PKIB: variants seen among roughly 807,000 people sequenced by gnomAD.
PKIB encodes the protein PKI-beta.
A neutral mutation model predicts 4.5 loss-of-function variants in PKIB; 2 were observed. That is an observed-to-expected ratio of 0.44 (90% confidence interval 0.18 to 1.39). The LOEUF (loss-of-function observed/expected upper bound fraction) is 1.39. Ranked by LOEUF, PKIB falls within the 40% of genes most tolerant of loss-of-function variation. PKIB has a pLI of 0.27. For synonymous variants in PKIB, 38 were observed against 36.0 expected (o/e 1.06, Z -0.20); for missense variants, 94 against 92.6 (o/e 1.02, Z -0.06).
At chr6:122,597,154 C>T (rs558331764) in intron 3 of PKIB, among the ~76,000 whole-genome samples, 4 of 152,326 alleles carry the variant, frequency 2.6e-5, no homozygotes, top group South Asian at 4.1e-4. Flanking sequence ...GTCTCACCAA[C>T]AAGTCCAGTG....
At chr6:122,536,824 CA>C (rs1777419146) in intron 2 of PKIB, among the ~76,000 whole-genome samples, 2 of 147,010 alleles carry the variant, frequency 1.4e-5, no homozygotes, top group Admixed American at 6.8e-5. Context: ...AAATATTAGA[CA>C]AATGAAAATA....
Position 122,512,484 on chromosome 6 carries a change from C to T in PKIB, c.-248+34545C>T, listed in dbSNP as rs186595072. Among the ~76,000 whole-genome samples the T allele has an allele frequency of 5.4e-3, 815 of 152,272 alleles. 8 individuals carry two copies. The highest frequency in any genetic ancestry group is 0.018 in the African/African-American group (765 of 41,566). On this transcript the variant is annotated intron_variant, in intron 2 of 6. Transcript: ENST00000392491. ...AATACTTGGAAATAAATGGATTTAA[C>T]ATTTAACAATTTGGAGATTATATAT...
At chr6:122,650,793 T>G (rs1776523546) in intron 2 of PKIB, among the ~76,000 whole-genome samples, 1 of 152,220 alleles carries the variant, frequency 6.6e-6, no homozygotes, top group South Asian at 2.1e-4. Flanking sequence ...CTGGGGTATG[T>G]GAGCAGGTCT....
chr6:122,531,173 C>T (rs2116060), intron 2 of PKIB: 20,050 of 152,090 alleles, frequency 0.13, 1,430 homozygotes, highest in East Asian at 0.21. Flanking sequence ...TCTTTAATAT[C>T]ACAAAAGAAA....
At chr6:122,688,906 G>A (rs577064023) in intron 3 of PKIB, among the ~76,000 whole-genome samples, 3 of 150,656 alleles carry the variant, frequency 2.0e-5, no homozygotes, top group South Asian at 2.1e-4. Context: ...TCAGCCTCCC[G>A]AGTGGCTGGG....
rs1779923695 is a variant in PKIB at position 122,725,591 on chromosome 6, T to G, written c.*396T>G. On this transcript the variant is annotated 3_prime_UTR_variant, in exon 5 of 5. Transcript: ENST00000368452. ...AAATCAAACATGATTGATTTAAAAC[T>G]TCATGGAATTTGTAGAAAATTATGG... The G allele has an allele frequency of 6.4e-6, 1 of 157,130 alleles. No individual in the cohort carries two copies. The highest frequency in any genetic ancestry group is 2.4e-5 in the African/African-American group (1 of 41,698). 9.7% of individuals were successfully genotyped at this position (157,130 alleles called of 1,614,324 possible). A position where few individuals can be genotyped will look rare whatever the true frequency, so the allele number is the denominator to read the frequency against.
At chr6:122,642,834 G>T (rs1283668745) in intron 2 of PKIB, among the ~76,000 whole-genome samples, 2 of 152,094 alleles carry the variant, frequency 1.3e-5, no homozygotes, top group African/African-American at 4.8e-5. Context: ...CTTTACCTAG[G>T]CTTGGTCTCA....
At chr6:122,543,843 C>T (rs1772398361) in intron 2 of PKIB, among the ~76,000 whole-genome samples, 1 of 151,986 alleles carries the variant, frequency 6.6e-6, no homozygotes, top group East Asian at 1.9e-4. Context: ...ACTTTCAACT[C>T]ATTATGTGGG....
rs141142174 is a variant in PKIB at position 122,721,499 on chromosome 6, T to C, written c.169+3536T>C. On this transcript the variant is annotated intron_variant, in intron 4 of 4. Coordinates refer to ENST00000368452, the MANE Select transcript of PKIB (RefSeq NM_181795.3). ...TAGTGTGTCTACACCCTTCTAAAAA[T>C]AGAACATACAACATTTTTTTCTCTC... is the stretch of plus-strand genomic sequence containing the variant. Among the ~76,000 whole-genome samples, 278 of 152,252 alleles carry C rather than the reference T, an allele frequency of 1.8e-3. 2 individuals carry two copies. Among genetic ancestry groups the C allele is most frequent in the African/African-American group, 6.0e-3 (251 of 41,572 alleles).
At chr6:122,548,324 G>T (rs1451334527) in intron 2 of PKIB, among the ~76,000 whole-genome samples, 1 of 152,084 alleles carries the variant, frequency 6.6e-6, no homozygotes, top group African/African-American at 2.4e-5. Flanking sequence ...CAAGTGTATA[G>T]ACTATCAGCA....
At chr6:122,525,506 T>C (rs1777069912) in intron 2 of PKIB, among the ~76,000 whole-genome samples, 1 of 152,160 alleles carries the variant, frequency 6.6e-6, no homozygotes, top group Non-Finnish European at 1.5e-5. Flanking sequence ...TATACAGACA[T>C]ACCTTGGAGA....
chr6:122,478,910 G>T (rs993548887), intron 2 of PKIB: 1 of 152,258 alleles, frequency 6.6e-6, no homozygotes, highest in African/African-American at 2.4e-5. Context: ...TGGTCAGTGG[G>T]TTGTGAAGAC....
At chr6:122,639,437 G>A (rs1037792291) in intron 2 of PKIB, among the ~76,000 whole-genome samples, 7 of 152,120 alleles carry the variant, frequency 4.6e-5, no homozygotes, top group Admixed American at 1.3e-4. Context: ...TCTTCATTCC[G>A]TAAGTGTTCT....
chr6:122,690,565 CTTTT>C (rs904532972), intron 3 of PKIB, among the ~76,000 whole-genome samples: 1 of 151,942 alleles, frequency 6.6e-6, no homozygotes, highest in African/African-American at 2.4e-5. Flanking sequence ...CCTCTCCCTG[CTTTT>C]TTAAGTTTTT....
chr6:122,509,354 A>C (rs780305690), intron 2 of PKIB, among the ~76,000 whole-genome samples: 1 of 152,074 alleles, frequency 6.6e-6, no homozygotes, highest in Non-Finnish European at 1.5e-5. Flanking sequence ...CCTGATTTTT[A>C]TGTATTGGAA....
chr6:122,482,160 C>G (rs927229317), intron 2 of PKIB: 1 of 152,262 alleles, frequency 6.6e-6, no homozygotes, highest in African/African-American at 2.4e-5. Flanking sequence ...CGGGGTTTCA[C>G]CGTGTTAGCC....
chr6:122,692,240 A>G (rs1160097806), intron 3 of PKIB, among the ~76,000 whole-genome samples: 1 of 152,232 alleles, frequency 6.6e-6, no homozygotes, highest in Non-Finnish European at 1.5e-5. Flanking sequence ...ACGATCAGCC[A>G]GTAGCAAAGC....
chr6:122,583,790 A>C (rs1773773629), intron 2 of PKIB, among the ~76,000 whole-genome samples: 1 of 152,092 alleles, frequency 6.6e-6, no homozygotes, highest in South Asian at 2.1e-4. Flanking sequence ...TTACTTCTTG[A>C]CTTGAGAGGT....
At chr6:122,650,624 T>C (rs1326042811) in intron 2 of PKIB, among the ~76,000 whole-genome samples, 1 of 152,156 alleles carries the variant, frequency 6.6e-6, no homozygotes, top group Non-Finnish European at 1.5e-5. Flanking sequence ...CAATTATCCT[T>C]ATTGCATTTA....
Sources: allele counts gnomAD v4.1 joint callset (sites outside exome capture counted in the v4.1 genomes callset), GRCh38; gene constraint gnomAD v4.1.1; transcripts MANE v1.5; gene names NCBI Gene and HGNC (gene_info 2026-07-23, HGNC 2026-07-21).